The following TANC2 variants were observed in gnomAD, a reference collection of about 807,000 sequenced individuals.
The protein encoded by TANC2 is protein TANC2.
A neutral mutation model predicts 210.5 loss-of-function variants in TANC2; 26 were observed. The ratio of observed to expected loss-of-function variants is 0.12; its 90% CI spans 0.09 to 0.17. The LOEUF is 0.17. TANC2 is among the 10% of genes least tolerant of loss of function. The pLI, the probability that TANC2 is intolerant of heterozygous loss-of-function variation, is 1.00. For missense variants in TANC2, 2,129 were observed against 2,608.9 expected (o/e 0.82, Z 4.01); for synonymous variants, 931 against 967.1 (o/e 0.96, Z 0.69).
intron 1 of TANC2, among the ~76,000 whole-genome samples, chr17:63,005,896 T>TTGTGTGTGTGTG (rs56763847): frequency 3.8e-5 from 5 of 132,780 alleles, no homozygotes; most frequent in East Asian, 2.3e-4. Context: ...GCTGTATAGT[T>TTGTGTGTGTGTG]TGTGTGTGTG....
Position 63,420,627 on chromosome 17 carries a change from G to C in TANC2, c.4897G>C (p.Glu1633Gln). The change falls in exon 28 of 28, where the codon GAA (glutamate) becomes CAA (glutamine). Residue 1633 changes from glutamate (E) to glutamine (Q), a missense_variant. Glu to Gln is a conservative substitution (Grantham distance 29). Coordinates refer to ENST00000689528, the Ensembl canonical transcript of TANC2. This position sits in a 1 kb window ranked among gnomAD's most constrained non-coding sequence, Gnocchi z 4.2. ...TCAGTATCGGGCCAGCCCTCCAGCT[G>C]AAAGTATGAGTGTCTATAGATCCCA... is the stretch of plus-strand genomic sequence containing the variant. 6.2e-7 allele frequency: 1 copy of C among 1,613,914 alleles called. No individual in the cohort carries two copies. The highest frequency in any genetic ancestry group is 8.5e-7 in the Non-Finnish European group (1 of 1,179,856).
At chr17:63,352,131 C>G (rs982326902) in intron 13 of TANC2, among the ~76,000 whole-genome samples, 4 of 152,126 alleles carry the variant, frequency 2.6e-5, no homozygotes, top group Non-Finnish European at 4.4e-5. Flanking sequence ...CATATTCACA[C>G]TTGGTTTGGA....
chr17:63,072,413 A>G (rs1475992175), intron 2 of TANC2, among the ~76,000 whole-genome samples: 1 of 152,102 alleles, frequency 6.6e-6, no homozygotes, highest in African/African-American at 2.4e-5. Context: ...TTTTTGCTTT[A>G]ATTTTTAAAA....
At chr17:63,362,171 A>G (rs540458269) in intron 14 of TANC2, among the ~76,000 whole-genome samples, 26 of 152,312 alleles carry the variant, frequency 1.7e-4, no homozygotes, top group Admixed American at 5.2e-4. Flanking sequence ...AGGTTGTCCC[A>G]TCGAGTGTTC....
intron 5 of TANC2, among the ~76,000 whole-genome samples, chr17:63,176,472 A>T (rs2040583959): frequency 6.6e-6 from 1 of 152,214 alleles, no homozygotes; most frequent in Admixed American, 6.5e-5. Context: ...TTAATTACTT[A>T]TATAAGCTTA....
chr17:63,046,884 T>G (rs1023703726), intron 2 of TANC2, among the ~76,000 whole-genome samples: 4 of 152,328 alleles, frequency 2.6e-5, no homozygotes, highest in South Asian at 4.1e-4. Flanking sequence ...ACTTTGATTT[T>G]CCAGTGAGTG....
intron 17 of TANC2, among the ~76,000 whole-genome samples, chr17:63,394,189 T>C (rs1434338905): frequency 6.6e-6 from 1 of 152,258 alleles, no homozygotes. Context: ...CTCCCCCATG[T>C]ATTTATTCAA....
At chr17:62,974,325 G>A (rs2031878102) in intron 1 of TANC2, among the ~76,000 whole-genome samples, 1 of 152,094 alleles carries the variant, frequency 6.6e-6, no homozygotes, top group Admixed American at 6.5e-5. Flanking sequence ...GTGGAGAGGA[G>A]TTTGGAGAAC....
intron 10 of TANC2, among the ~76,000 whole-genome samples, chr17:63,316,108 CTAAT>C (rs2045305099): frequency 6.6e-6 from 1 of 152,126 alleles, no homozygotes; most frequent in African/African-American, 2.4e-5. Context: ...AGAAGTGTGA[CTAAT>C]TGATCTTTCA....
At chr17:62,990,444 T>A (rs2032799755) in intron 1 of TANC2, among the ~76,000 whole-genome samples, 1 of 151,310 alleles carries the variant, frequency 6.6e-6, no homozygotes, top group Non-Finnish European at 1.5e-5. Flanking sequence ...TGCTGGCTAA[T>A]GTTTTTTTTT....
At chr17:63,060,275 C>T (rs1201438857) in intron 2 of TANC2, among the ~76,000 whole-genome samples, 1 of 152,224 alleles carries the variant, frequency 6.6e-6, no homozygotes, top group Non-Finnish European at 1.5e-5. Context: ...TTGTACTGTA[C>T]ATGTATTGTC....
At chr17:63,168,237 G>A (rs1263916599) in intron 5 of TANC2, among the ~76,000 whole-genome samples, 3 of 152,168 alleles carry the variant, frequency 2.0e-5, no homozygotes, top group East Asian at 3.9e-4. Context: ...CAGTAGTTTC[G>A]GAGGAGAGGT....
In TANC2 at chr17:63,322,393, G is replaced by A. The variant is rs575654763; in HGVS notation, c.1575+3303G>A. Among the ~76,000 whole-genome samples, 7 of 152,298 alleles carry A rather than the reference G, an allele frequency of 4.6e-5. No homozygotes were observed. The South Asian group carries it at 1.5e-3, about 32-fold the overall frequency. ...GGCGCCTGTAGTCCCAGCTACTCGGGAGGCTGAGGCAGGAGAATGGCGTGA... is the reference window on the plus strand; with the variant it reads ...GGCGCCTGTAGTCCCAGCTACTCGGAAGGCTGAGGCAGGAGAATGGCGTGA... On this transcript the variant is annotated intron_variant, in intron 11 of 27. Coordinates refer to ENST00000689528, the Ensembl canonical transcript of TANC2.
At chr17:63,166,309 CAGAG>C (rs143389476) in intron 5 of TANC2, among the ~76,000 whole-genome samples, 22 of 149,402 alleles carry the variant, frequency 1.5e-4, no homozygotes, top group South Asian at 2.1e-4. Context: ...CTAGATAGCA[CAGAG>C]AGAGAGAGAG....
Position 63,248,105 on chromosome 17 carries a change from G to A in TANC2, c.1033+10028G>A, listed in dbSNP as rs923661809. The stretch of plus-strand genomic sequence containing the variant: ...TTTGATAAAACCACAACCTCTGGTA[G>A]CTTAAATGATTACGTATCTAAACCA... On this transcript the variant is annotated intron_variant, in intron 8 of 27. Transcript: ENST00000689528. 1.1e-3 allele frequency among the ~76,000 whole-genome samples: 161 copies of A among 152,168 alleles called. 1 individual carries two copies. The highest frequency in any genetic ancestry group is 3.8e-3 in the African/African-American group (159 of 41,554).
chr17:63,112,533 A>G (rs1229959610), intron 4 of TANC2, among the ~76,000 whole-genome samples: 1 of 152,200 alleles, frequency 6.6e-6, no homozygotes, highest in Admixed American at 6.5e-5. Context: ...CAAAGAACTG[A>G]TAGGGTCACA....
intron 9 of TANC2, among the ~76,000 whole-genome samples, chr17:63,301,139 T>C (rs557183386): frequency 3.3e-5 from 5 of 152,296 alleles, no homozygotes; most frequent in African/African-American, 9.6e-5. Context: ...CACTTGATTG[T>C]GGTGGGTAAG....
chr17:63,257,160 T>C (rs1843512641), intron 8 of TANC2, among the ~76,000 whole-genome samples: 1 of 151,980 alleles, frequency 6.6e-6, no homozygotes, highest in African/African-American at 2.4e-5. Context: ...TTGTTATTGA[T>C]GAGGAAAGAC....
chr17:62,993,198 A>G (rs370394766), intron 1 of TANC2, among the ~76,000 whole-genome samples: 131 of 152,308 alleles, frequency 8.6e-4, no homozygotes, highest in African/African-American at 3.1e-3. Flanking sequence ...TCCCTTTGCC[A>G]TGTAAGGTAA....
Sources: allele counts gnomAD v4.1 joint callset (sites outside exome capture counted in the v4.1 genomes callset), GRCh38; gene constraint gnomAD v4.1.1; non-coding constraint Gnocchi (gnomAD v3.1); transcripts MANE v1.5; gene names NCBI Gene and HGNC (gene_info 2026-07-23, HGNC 2026-07-21).